Variants in PAICS observed in about 807,000 individuals in gnomAD.
The protein encoded by PAICS is phosphoribosylaminoimidazole carboxylase and phosphoribosylaminoimidazolesuccinocarboxamide synthase, also known as bifunctional phosphoribosylaminoimidazole carboxylase/phosphoribosylaminoimidazole succinocarboxamide synthetase.
PAICS carries 33 observed loss-of-function variants against 53.7 expected under a neutral mutation model. The observed-to-expected ratio is 0.61, with a 90% CI of 0.47 to 0.82. The LOEUF is 0.82. Among genes scored for constraint, PAICS ranks in the 40% least tolerant of loss-of-function variants. The pLI is 0.00. For missense variants in PAICS, 394 were observed against 494.1 expected (o/e 0.80, Z 1.92); for synonymous variants, 141 against 167.2 (o/e 0.84, Z 1.21).
chr4:56,438,793 A>T (rs1718184391), intron 1 of PAICS, among the ~76,000 whole-genome samples: 1 of 152,144 alleles, frequency 6.6e-6, no homozygotes, highest in African/African-American at 2.4e-5. Context: ...AAGATGAAAA[A>T]TTCTTTAGAT....
chr4:56,441,304 G>A (rs1052911568), intron 1 of PAICS, among the ~76,000 whole-genome samples: 1 of 152,088 alleles, frequency 6.6e-6, no homozygotes, highest in African/African-American at 2.4e-5. Flanking sequence ...TTTAATTCTA[G>A]TTCAGTTCTG....
At chr4:56,444,301 CA>C (rs1239299258) in intron 2 of PAICS, among the ~76,000 whole-genome samples, 2 of 152,028 alleles carry the variant, frequency 1.3e-5, no homozygotes. Context: ...CTGTGTTATA[CA>C]ATTTGTGGAT....
At chr4:56,458,342 G>A (rs1719331040) in intron 8 of PAICS, among the ~76,000 whole-genome samples, 1 of 151,840 alleles carries the variant, frequency 6.6e-6, no homozygotes, top group Non-Finnish European at 1.5e-5. Flanking sequence ...TCCTGGGCAG[G>A]AGGCACAGGT....
intron 1 of PAICS, among the ~76,000 whole-genome samples, chr4:56,438,471 T>C (rs573920375): frequency 2.0e-5 from 3 of 151,224 alleles, no homozygotes; most frequent in African/African-American, 7.3e-5. Context: ...TCGCTCTGTG[T>C]GGCCCAGGCT....
At chr4:56,410,831 G>A in the PAICS span, 1 of 968,332 alleles carries the variant, frequency 1.0e-6, no homozygotes, top group Non-Finnish European at 1.2e-6. Flanking sequence ...ACAATTTACA[G>A]AGGAAGATGC....
intron 3 of PAICS, among the ~76,000 whole-genome samples, chr4:56,447,879 C>T (rs574118846): frequency 2.1e-4 from 32 of 152,022 alleles, no homozygotes; most frequent in African/African-American, 7.2e-4. Flanking sequence ...CAAAAAATTT[C>T]TTTAGATGTC....
At chr4:56,445,352 C>T (rs1429894097) in intron 2 of PAICS, among the ~76,000 whole-genome samples, 1 of 152,002 alleles carries the variant, frequency 6.6e-6, no homozygotes, top group Non-Finnish European at 1.5e-5. Context: ...AATCCCAGCA[C>T]CTTGGGAGAC....
At chr4:56,450,820 T>C in intron 6 of PAICS, 118 bp downstream of exon 6, 1 of 641,800 alleles carries the variant, frequency 1.6e-6, no homozygotes, top group Non-Finnish European at 2.8e-6. Context: ...CTTTGTTTTT[T>C]GTTGTTGTTT....
the PAICS span, among the ~76,000 whole-genome samples, chr4:56,428,553 A>G: frequency 3.3e-5 from 5 of 152,288 alleles, no homozygotes; most frequent in South Asian, 8.3e-4. Context: ...AGATTTTATG[A>G]AGAAGTTGAC....
upstream of PAICS, chr4:56,436,136 T>TA: frequency 2.0e-6 from 3 of 1,480,818 alleles, no homozygotes; most frequent in Non-Finnish European, 2.7e-6. Flanking sequence ...TATCCGCGTT[T>TA]CAGTCTCCGC....
chr4:56,439,368 C>A (rs556743851), intron 1 of PAICS, among the ~76,000 whole-genome samples: 25 of 152,294 alleles, frequency 1.6e-4, no homozygotes, highest in Non-Finnish European at 2.9e-4. Context: ...TCCCAAGTAG[C>A]AAGGATTACA....
chr4:56,419,783 A>G, the PAICS span: 2 of 985,066 alleles, frequency 2.0e-6, no homozygotes, highest in Non-Finnish European at 2.4e-6. Context: ...ATAAGAGGAT[A>G]TTTCAACAAA....
At chr4:56,426,875 T>G in the PAICS span, among the ~76,000 whole-genome samples, 1 of 152,224 alleles carries the variant, frequency 6.6e-6, no homozygotes, top group Admixed American at 6.5e-5. Context: ...CTGAAACTTC[T>G]GTAGCCATTA....
chr4:56,446,620 G>T (rs949244493), intron 2 of PAICS, 75 bp from the exon 3 acceptor site: 2 of 871,348 alleles, frequency 2.3e-6, no homozygotes, highest in Non-Finnish European at 3.6e-6. Context: ...AAAGGGTAGA[G>T]TTTTATTGTG....
At chr4:56,435,229 T>G, upstream of PAICS, 2 of 1,434,954 alleles carry the variant, frequency 1.4e-6, no homozygotes. Flanking sequence ...AGGCAGGTAC[T>G]GGCTTAGGTC....
chr4:56,451,327 T>C (rs1224454347), intron 6 of PAICS: 1 of 152,628 alleles, frequency 6.6e-6, no homozygotes, highest in Non-Finnish European at 1.5e-5. Context: ...TCCATTAGCA[T>C]GGGATGGATG....
At chr4:56,456,770 G>T (rs1266083016) in intron 8 of PAICS, among the ~76,000 whole-genome samples, 2 of 144,930 alleles carry the variant, frequency 1.4e-5, no homozygotes, top group East Asian at 4.1e-4. Context: ...CTGGGTTTTT[G>T]TTGTTGTTGT....
chr4:56,429,440 T>C, the PAICS span, among the ~76,000 whole-genome samples: 1 of 152,160 alleles, frequency 6.6e-6, no homozygotes, highest in East Asian at 1.9e-4. Flanking sequence ...GAAGCCAACC[T>C]AATAATGGGA....
chr4:56,446,672 T>C, intron 2 of PAICS, 23 bp from the exon 3 acceptor site: 1 of 1,486,492 alleles, frequency 6.7e-7, no homozygotes, highest in Non-Finnish European at 9.2e-7. Flanking sequence ...ATACCTTTTT[T>C]AACTTTGGTT....
Sources: allele counts gnomAD v4.1 joint callset (sites outside exome capture counted in the v4.1 genomes callset), GRCh38; gene constraint gnomAD v4.1.1; transcripts MANE v1.5; gene names NCBI Gene and HGNC (gene_info 2026-07-23, HGNC 2026-07-21).